TC2N: variants seen among roughly 807,000 people sequenced by gnomAD.
TC2N encodes tandem C2 domains nuclear protein.
A neutral mutation model predicts 61.9 loss-of-function variants in TC2N; 51 were observed. The observed-to-expected ratio is 0.82, with a 90% confidence interval of 0.66 to 1.04. The LOEUF is 1.04. Among genes scored for constraint, TC2N ranks in the 50% least tolerant of loss-of-function variants. TC2N has a pLI of 0.00. For synonymous variants in TC2N, 204 were observed against 192.6 expected (o/e 1.06, Z -0.49); for missense variants, 556 against 566.7 (o/e 0.98, Z 0.19).
intron 1 of TC2N, among the ~76,000 whole-genome samples, chr14:91,855,939 C>T (rs1888474870): frequency 6.6e-6 from 1 of 151,944 alleles, no homozygotes; most frequent in African/African-American, 2.4e-5. Flanking sequence ...TTCTACAGGG[C>T]AGGGAGTAAG....
At position 91,795,882 on chromosome 14, in the gene TC2N, G is replaced by C. The variant is rs1885872784; in HGVS notation, c.855+1903C>G. On this transcript the variant is annotated intron_variant, in intron 8 of 11. Coordinates refer to ENST00000435962, the MANE Select transcript of TC2N (RefSeq NM_001128596.3). ...ACTACTGAGCTATCTTTTTCTTTTA[G>C]AGTCTCAAGTCATAGAATCACACCA... Among the ~76,000 whole-genome samples, 3 of 151,996 alleles carry C rather than the reference G, an allele frequency of 2.0e-5. No homozygotes were observed. In the South Asian group the frequency reaches 6.2e-4, roughly 31 times the overall value.
At chr14:91,784,906 T>C (rs1259566414) in intron 11 of TC2N, among the ~76,000 whole-genome samples, 1 of 152,178 alleles carries the variant, frequency 6.6e-6, no homozygotes, top group Non-Finnish European at 1.5e-5. Context: ...GAAAAATTGA[T>C]AATTCTCATC....
chr14:91,800,174 C>A, intron 5 of TC2N, 107 bp downstream of exon 5: 1 of 562,596 alleles, frequency 1.8e-6, no homozygotes, highest in Non-Finnish European at 3.1e-6. Context: ...AGAACAGATA[C>A]ATCTACAAAA....
At chr14:91,784,949 T>C (rs564531667) in intron 11 of TC2N, among the ~76,000 whole-genome samples, 2 of 152,256 alleles carry the variant, frequency 1.3e-5, no homozygotes, top group South Asian at 2.1e-4. Flanking sequence ...GAAAAAAACA[T>C]ATTTAAAGAT....
rs139299503 is a variant in TC2N, at chr14:91,848,356, G to C, written c.-57+18906C>G. 6.7e-3 allele frequency among the ~76,000 whole-genome samples: 1,022 copies of C among 152,288 alleles called. 9 individuals are homozygous for C. Among genetic ancestry groups the C allele is most frequent in the African/African-American group, 0.022 (932 of 41,540 alleles). ...ACCCACAGGATTAGGAGTATCCTGGGTAAGCCAGTCGAGGGTCTAGCATGA... is the reference window on the plus strand; with the variant it reads ...ACCCACAGGATTAGGAGTATCCTGGCTAAGCCAGTCGAGGGTCTAGCATGA... On this transcript the variant is annotated intron_variant, in intron 1 of 11. Transcript: ENST00000435962.
intron 4 of TC2N, 58 bp downstream of exon 4, chr14:91,802,196 G>T: frequency 1.4e-6 from 2 of 1,408,044 alleles, no homozygotes; most frequent in Admixed American, 2.8e-5. Context: ...TCTTACATTT[G>T]ATTTCTAAAT....
At chr14:91,844,760 CAAAAAAAAAAAAAA>C (rs34223127) in intron 1 of TC2N, among the ~76,000 whole-genome samples, 1 of 92,552 alleles carries the variant, frequency 1.1e-5, no homozygotes. Flanking sequence ...GACTCTGTCT[CAAAAAAAAAAAAAA>C]AAAAAAAAAA....
Position 91,783,038 on chromosome 14 carries a change from A to G in TC2N, c.*62T>C. 9.1e-7 allele frequency: 1 copy of G among 1,094,846 alleles called. No individual in the cohort carries two copies. 67.8% of individuals were successfully genotyped at this position (1,094,846 alleles called of 1,614,324 possible). ...ATTTGCCTCTTCTCATTGGTAGCAA[A>G]TTGAAATCATAAGTCTTCTAAAAGA... On this transcript the variant is annotated 3_prime_UTR_variant, in exon 12 of 12. Transcript: ENST00000435962.
chr14:91,863,854 A>G (rs1012611813), intron 1 of TC2N, among the ~76,000 whole-genome samples: 2 of 148,932 alleles, frequency 1.3e-5, no homozygotes, highest in African/African-American at 4.9e-5. Context: ...AAAAAGCCTG[A>G]CATGTTGGCA....
chr14:91,815,832 G>A (rs1430153369), intron 1 of TC2N, among the ~76,000 whole-genome samples: 1 of 151,664 alleles, frequency 6.6e-6, no homozygotes, highest in African/African-American at 2.4e-5. Flanking sequence ...CTCACTGGCT[G>A]AAGGTGAATC....
chr14:91,847,696 T>C (rs1307070848), intron 1 of TC2N, among the ~76,000 whole-genome samples: 1 of 152,204 alleles, frequency 6.6e-6, no homozygotes, highest in Non-Finnish European at 1.5e-5. Context: ...GGAGCAGATA[T>C]AAGCCTTTCC....
chr14:91,836,808 A>G (rs1378583020), intron 1 of TC2N, among the ~76,000 whole-genome samples: 1 of 152,110 alleles, frequency 6.6e-6, no homozygotes, highest in African/African-American at 2.4e-5. Context: ...GAAGGGAGAC[A>G]AGCGGTAGGA....
intron 1 of TC2N, among the ~76,000 whole-genome samples, chr14:91,840,550 C>T (rs1291855448): frequency 6.6e-6 from 1 of 152,202 alleles, no homozygotes; most frequent in African/African-American, 2.4e-5. Flanking sequence ...ATTATGCCTT[C>T]TTCATCATCT....
At chr14:91,798,264 T>G in intron 7 of TC2N, 35 bp downstream of exon 7, 2 of 1,147,494 alleles carry the variant, frequency 1.7e-6, no homozygotes, top group Non-Finnish European at 2.5e-6. Flanking sequence ...TATTCAATTT[T>G]GTAATAAAAG....
chr14:91,819,220 C>T (rs968929426), intron 1 of TC2N, among the ~76,000 whole-genome samples: 1 of 152,096 alleles, frequency 6.6e-6, no homozygotes, highest in Non-Finnish European at 1.5e-5. Flanking sequence ...ATCCCAGCTA[C>T]TCGGGAGGCT....
intron 1 of TC2N, among the ~76,000 whole-genome samples, chr14:91,865,955 G>A (rs957217223): frequency 1.3e-5 from 2 of 152,048 alleles, no homozygotes; most frequent in Non-Finnish European, 2.9e-5. Context: ...GTTATTAAAG[G>A]TGTTATTAAA....
In TC2N at chr14:91,795,101, G is replaced by A. The variant is rs1267608537; in HGVS notation, c.856-2543C>T. Among the ~76,000 whole-genome samples the A allele has an allele frequency of 3.3e-5, 5 of 152,134 alleles. No individual in the cohort carries two copies. In the East Asian group the frequency reaches 9.6e-4, roughly 29 times the overall value. On this transcript the variant is annotated intron_variant, in intron 8 of 11. Coordinates refer to ENST00000435962, the MANE Select transcript of TC2N (RefSeq NM_001128596.3). ...AACAGCAAGAGAACTAGAATTAGAA[G>A]TGGATCCTGAAGATGCAATTGAATG...
At chr14:91,831,570 A>C (rs1887772055) in intron 1 of TC2N, among the ~76,000 whole-genome samples, 1 of 152,210 alleles carries the variant, frequency 6.6e-6, no homozygotes, top group Non-Finnish European at 1.5e-5. Flanking sequence ...ACGACCACAC[A>C]TGTATGGAAA....
intron 1 of TC2N, among the ~76,000 whole-genome samples, chr14:91,842,912 G>T (rs1461105730): frequency 6.6e-6 from 1 of 152,092 alleles, no homozygotes; most frequent in Non-Finnish European, 1.5e-5. Context: ...CCTTTGCTAC[G>T]ACTTTGAAGT....
Sources: allele counts gnomAD v4.1 joint callset (sites outside exome capture counted in the v4.1 genomes callset), GRCh38; gene constraint gnomAD v4.1.1; transcripts MANE v1.5; gene names NCBI Gene and HGNC (gene_info 2026-07-23, HGNC 2026-07-21).